The following POU2F1 variants were observed in gnomAD, a reference collection of about 807,000 sequenced individuals.
POU2F1 encodes the protein POU domain, class 2, transcription factor 1.
In POU2F1, 16 loss-of-function variants were observed where a neutral mutation model predicts 84.9. The ratio of observed to expected loss-of-function variants is 0.19; its 90% CI spans 0.13 to 0.29. POU2F1 has a LOEUF of 0.29. POU2F1 is among the 10% of genes least tolerant of loss of function. The pLI is 1.00. For synonymous variants in POU2F1, 368 were observed against 368.3 expected (o/e 1.00, Z 0.01); for missense variants, 738 against 942.6 (o/e 0.78, Z 2.84).
chr1:167,253,850 A>C (rs1231776394), intron 1 of POU2F1, among the ~76,000 whole-genome samples: 1 of 152,126 alleles, frequency 6.6e-6, no homozygotes, highest in African/African-American at 2.4e-5. Context: ...TGGCTGAGGG[A>C]AAGTTTTTAT....
chr1:167,284,842 G>C (rs1653406205), intron 1 of POU2F1, among the ~76,000 whole-genome samples: 1 of 152,148 alleles, frequency 6.6e-6, no homozygotes, highest in Non-Finnish European at 1.5e-5. Flanking sequence ...TTAGAATTCT[G>C]TTAGTGCCTT....
intron 1 of POU2F1, among the ~76,000 whole-genome samples, chr1:167,267,630 C>CTTTTTTTTTTTTTTTTTTTTTTTTT (rs71073658): frequency 1.4e-5 from 1 of 70,464 alleles, no homozygotes; most frequent in African/African-American, 5.5e-5. Flanking sequence ...GTTACTGTGT[C>CTTTTTTTTTTTTTTTTTTTTTTTTT]TTTTTTTTTT....
intron 1 of POU2F1, among the ~76,000 whole-genome samples, chr1:167,277,771 C>T (rs1177405516): frequency 6.6e-6 from 1 of 152,188 alleles, no homozygotes; most frequent in East Asian, 1.9e-4. Flanking sequence ...CAGTGAATAG[C>T]ATCACCTTTT....
intron 9 of POU2F1, among the ~76,000 whole-genome samples, chr1:167,391,559 CT>C (rs1175783404): frequency 0.048 from 2,784 of 57,796 alleles, 34 homozygotes; most frequent in African/African-American, 0.15. Context: ...TTATATATAT[CT>C]TTTTTTTTTT....
chr1:167,256,708 T>A (rs913462546), intron 1 of POU2F1, among the ~76,000 whole-genome samples: 2 of 152,212 alleles, frequency 1.3e-5, no homozygotes, highest in Admixed American at 1.3e-4. Context: ...TGCCTTTGAA[T>A]AAGGGAGAGT....
intron 1 of POU2F1, among the ~76,000 whole-genome samples, chr1:167,318,450 A>G (rs1656073362): frequency 6.6e-6 from 1 of 152,224 alleles, no homozygotes; most frequent in Non-Finnish European, 1.5e-5. Context: ...TGCCATAGGA[A>G]TCATTGCTCA....
chr1:167,242,417 T>C (rs1649978916), intron 1 of POU2F1, among the ~76,000 whole-genome samples: 1 of 152,206 alleles, frequency 6.6e-6, no homozygotes, highest in Non-Finnish European at 1.5e-5. Flanking sequence ...TCTGCAAAGC[T>C]ATAAAAGCTG....
At chr1:167,365,679 G>A (rs1659643777) in intron 3 of POU2F1, 112 bp downstream of exon 3, 1 of 690,686 alleles carries the variant, frequency 1.4e-6, no homozygotes, top group African/African-American at 1.9e-5. Flanking sequence ...TTAAAGCCTA[G>A]TGCTAATTGT....
At chr1:167,270,130 G>T (rs1315394002) in intron 1 of POU2F1, among the ~76,000 whole-genome samples, 1 of 152,074 alleles carries the variant, frequency 6.6e-6, no homozygotes, top group African/African-American at 2.4e-5. Context: ...TCCTTTGTAG[G>T]AACAGTAGTA....
intron 9 of POU2F1, among the ~76,000 whole-genome samples, chr1:167,392,699 T>C (rs955431134): frequency 6.6e-6 from 1 of 152,234 alleles, no homozygotes; most frequent in Admixed American, 6.5e-5. Flanking sequence ...TTATCCTATT[T>C]TTTGGCATGA....
intron 1 of POU2F1, among the ~76,000 whole-genome samples, chr1:167,234,072 A>G (rs1199652952): frequency 1.3e-5 from 2 of 152,218 alleles, no homozygotes; most frequent in African/African-American, 4.8e-5. Flanking sequence ...AGCAGTTAAG[A>G]TCATTATCAG....
intron 1 of POU2F1, among the ~76,000 whole-genome samples, chr1:167,231,332 G>A (rs1251828087): frequency 1.3e-5 from 2 of 151,958 alleles, no homozygotes; most frequent in East Asian, 3.9e-4. Context: ...CTTTCATCTG[G>A]GTACCTGAAT....
intron 9 of POU2F1, among the ~76,000 whole-genome samples, chr1:167,390,367 A>T (rs1648309533): frequency 6.6e-6 from 1 of 152,198 alleles, no homozygotes; most frequent in Non-Finnish European, 1.5e-5. Flanking sequence ...TGTATGGAGG[A>T]TTTTGTTATT....
chr1:167,408,490 A>G (rs1649741254), intron 13 of POU2F1, among the ~76,000 whole-genome samples: 4 of 152,186 alleles, frequency 2.6e-5, no homozygotes, highest in Non-Finnish European at 5.9e-5. Context: ...AATAAACAAA[A>G]TGTGTTATAT....
chr1:167,383,985 A>G (rs1182047428), intron 8 of POU2F1, 34 bp downstream of exon 8: 1 of 1,531,372 alleles, frequency 6.5e-7, no homozygotes, highest in Admixed American at 1.9e-5. Flanking sequence ...GCTTTCTCTT[A>G]TCATATTGTT....
intron 1 of POU2F1, among the ~76,000 whole-genome samples, chr1:167,320,093 A>T (rs1281922444): frequency 3.3e-5 from 5 of 150,222 alleles, no homozygotes; most frequent in African/African-American, 5.0e-5. Flanking sequence ...GGTGCATTCT[A>T]CTCCTAACTG....
At chr1:167,332,674 G>A (rs1339150857) in intron 2 of POU2F1, 139 bp downstream of exon 2, 2 of 592,116 alleles carry the variant, frequency 3.4e-6, no homozygotes, top group African/African-American at 3.7e-5. Context: ...AGTCCTTTAG[G>A]AACTGGGAGG....
chr1:167,297,135 A>AGGAGTTTTGC (rs1654338775), intron 1 of POU2F1, among the ~76,000 whole-genome samples: 1 of 152,234 alleles, frequency 6.6e-6, no homozygotes, highest in African/African-American at 2.4e-5. Flanking sequence ...CATATACAAC[A>AGGAGTTTTGC]GGAGTTTTGC....
At chr1:167,329,199 G>A (rs1656910965) in intron 1 of POU2F1, 2 of 1,527,466 alleles carry the variant, frequency 1.3e-6, no homozygotes, top group Non-Finnish European at 8.8e-7. Flanking sequence ...AGAAATAGTA[G>A]TACCTTCTTT....
Sources: allele counts gnomAD v4.1 joint callset (sites outside exome capture counted in the v4.1 genomes callset), GRCh38; gene constraint gnomAD v4.1.1; transcripts MANE v1.5; gene names NCBI Gene and HGNC (gene_info 2026-07-23, HGNC 2026-07-21).